CABYR: variants seen among roughly 807,000 people sequenced by gnomAD.
The protein encoded by CABYR is calcium-binding tyrosine phosphorylation-regulated protein.
A neutral mutation model predicts 36.1 loss-of-function variants in CABYR; 31 were observed. The ratio of observed to expected loss-of-function variants is 0.86; its 90% CI spans 0.64 to 1.16. The LOEUF (loss-of-function observed/expected upper bound fraction) is 1.16. CABYR is among the 50% of genes most tolerant of loss of function. The pLI, the probability that CABYR is intolerant of heterozygous loss-of-function variation, is 0.00. For missense variants in CABYR, 429 were observed against 455.8 expected (o/e 0.94, Z 0.53); for synonymous variants, 146 against 160.7 (o/e 0.91, Z 0.69).
rs1475936319 is a variant in CABYR at position 24,161,551 on chromosome 18, G to T, written c.*35G>T. On this transcript the variant is annotated 3_prime_UTR_variant, in exon 6 of 6. Transcript: ENST00000399496. ...GACGCTGTCTGGGTCAACATTTCAG[G>T]GAGGAGTCTGCCACCAGTGTAATGT... 5.1e-6 allele frequency: 4 copies of T among 780,192 alleles called. No homozygotes were observed. The South Asian group carries it at 5.4e-5, about 10-fold the overall frequency. 48.3% of individuals were successfully genotyped at this position (780,192 alleles called of 1,614,324 possible).
intron 4 of CABYR, chr18:24,156,378 A>G (rs1330487112): frequency 2.0e-5 from 32 of 1,614,104 alleles, no homozygotes; most frequent in Non-Finnish European, 2.6e-5. Flanking sequence ...AACTGTTCAT[A>G]TATCATCTGT....
At chr18:24,151,064 C>CT (rs1274090584) in intron 3 of CABYR, among the ~76,000 whole-genome samples, 1 of 152,156 alleles carries the variant, frequency 6.6e-6, no homozygotes, top group African/African-American at 2.4e-5. Context: ...CACTTGTGGT[C>CT]TTTGATACCT....
chr18:24,156,727 T>C, intron 4 of CABYR: 1 of 1,614,182 alleles, frequency 6.2e-7, no homozygotes, highest in Non-Finnish European at 8.5e-7. Flanking sequence ...GAAGGTGCTA[T>C]CAAAATAGGC....
At position 24,159,954 on chromosome 18, in the gene CABYR, G is replaced by A; in HGVS notation, c.1024G>A (p.Ala342Thr). ...LSVAFPVEDV[A>T]KKSSGSGDKC... ...TGTTGCTTTCCCAGTAGAAGATGTA[G>A]CTAAAAAAAGTTCAGGATCTGGTGA... is the stretch of plus-strand genomic sequence containing the variant. Residue 342 changes from alanine to threonine, a missense_variant, in exon 5 of 6, where the codon GCT becomes ACT. Physicochemically the swap from Ala to Thr is moderately conservative, Grantham distance 58. Coordinates refer to ENST00000399496, the MANE Select transcript of CABYR (RefSeq NM_153769.3). 1 of 1,614,114 alleles carries A rather than the reference G, an allele frequency of 6.2e-7. No individual in the cohort carries two copies. Among genetic ancestry groups the A allele is most frequent in the African/African-American group, 1.3e-5 (1 of 75,010 alleles).
chr18:24,160,118 T>G, intron 5 of CABYR, 49 bp downstream of exon 5: 1 of 1,248,036 alleles, frequency 8.0e-7, no homozygotes, highest in Non-Finnish European at 1.1e-6. Flanking sequence ...ACACGCGCGT[T>G]TTAAGCATTT....
rs753029646 is a variant in CABYR, at chr18:24,159,605, C to T, written c.675C>T (p.Leu225=). ...PAPGPFPQAT[L]YLPNPKDPQF... is the part of the protein sequence containing the mutation. ...CTGGGCCTTTTCCCCAAGCAACCCT[C>T]TATTTACCTAATCCTAAGGATCCAC... Residue 225 remains leucine, a synonymous_variant, in exon 5 of 6, where the codon CTC becomes CTT. Coordinates refer to ENST00000399496, the MANE Select transcript of CABYR (RefSeq NM_153769.3). 219 of 1,614,026 alleles carry T rather than the reference C, an allele frequency of 1.4e-4. No homozygotes were observed. Among genetic ancestry groups the T allele is most frequent in the Admixed American group, 2.5e-4 (15 of 60,002 alleles).
intron 5 of CABYR, 69 bp from the exon 6 acceptor site, chr18:24,161,447 C>G (rs2085983691): frequency 3.9e-6 from 3 of 771,278 alleles, no homozygotes; most frequent in Non-Finnish European, 7.3e-6. Flanking sequence ...TTCTAATCTT[C>G]TGCTCATTTC....
intron 3 of CABYR, among the ~76,000 whole-genome samples, chr18:24,151,060 T>G (rs1317320211): frequency 6.6e-6 from 1 of 152,212 alleles, no homozygotes; most frequent in African/African-American, 2.4e-5. Context: ...TATACACTTG[T>G]GGTCTTTGAT....
At chr18:24,160,116 G>A (rs765900936) in intron 5 of CABYR, 47 bp downstream of exon 5, 19 of 1,279,122 alleles carry the variant, frequency 1.5e-5, no homozygotes, top group Middle Eastern at 1.9e-4. Context: ...ACACACGCGC[G>A]TTTTAAGCAT....
intron 4 of CABYR, chr18:24,156,246 C>T (rs754906360): frequency 1.2e-6 from 2 of 1,614,024 alleles, no homozygotes; most frequent in South Asian, 1.1e-5. Context: ...GGGTTCTCAA[C>T]CTAAAGAAAA....
chr18:24,142,804 G>T (rs923140405), intron 1 of CABYR, among the ~76,000 whole-genome samples: 1 of 151,708 alleles, frequency 6.6e-6, no homozygotes, highest in Non-Finnish European at 1.5e-5. Context: ...AGGCCGAGGC[G>T]GGCAGATCAT....
intron 5 of CABYR, 44 bp downstream of exon 5, chr18:24,160,113 C>A: frequency 7.6e-7 from 1 of 1,309,408 alleles, no homozygotes; most frequent in Non-Finnish European, 1.1e-6. Context: ...TTAACACACG[C>A]GCGTTTTAAG....
intron 3 of CABYR, among the ~76,000 whole-genome samples, chr18:24,147,796 C>G (rs1000639743): frequency 1.3e-5 from 2 of 152,168 alleles, no homozygotes; most frequent in Non-Finnish European, 2.9e-5. Context: ...CAATCCCCCT[C>G]TGTCATGTTT....
intron 4 of CABYR, among the ~76,000 whole-genome samples, chr18:24,158,569 C>T (rs1002220828): frequency 3.5e-4 from 54 of 152,146 alleles, no homozygotes; most frequent in African/African-American, 1.2e-3. Context: ...CCACCCTCCT[C>T]GGCCTCCCAA....
At chr18:24,153,738 T>A (rs974587725) in intron 3 of CABYR, among the ~76,000 whole-genome samples, 7 of 152,182 alleles carry the variant, frequency 4.6e-5, no homozygotes, top group African/African-American at 1.7e-4. Flanking sequence ...CCTGTTGTTA[T>A]GATGGAAACA....
Position 24,159,964 on chromosome 18 carries a change from G to C in CABYR, c.1034G>C (p.Ser345Thr), listed in dbSNP as rs760713726. The part of the protein sequence containing the change: ...AFPVEDVAKK[S>T]SGSGDKCAPF... ...CCAGTAGAAGATGTAGCTAAAAAAA[G>C]TTCAGGATCTGGTGACAAATGTGCT... The change falls in exon 5 of 6, where the codon AGT becomes ACT. Residue 345 changes from serine to threonine, a missense_variant. Ser to Thr is a moderately conservative substitution (Grantham distance 58, BLOSUM62 1). Coordinates refer to ENST00000399496, the MANE Select transcript of CABYR (RefSeq NM_153769.3). The C allele has an allele frequency of 6.2e-7, 1 of 1,614,176 alleles. No homozygotes were observed.
chr18:24,160,259 C>T (rs1476674098), intron 5 of CABYR, 190 bp downstream of exon 5: 1 of 584,796 alleles, frequency 1.7e-6, no homozygotes, highest in Non-Finnish European at 3.0e-6. Context: ...ACAGCAGGTG[C>T]ACTGTACCAC....
At chr18:24,144,494 T>TG (rs2085411105) in intron 3 of CABYR, among the ~76,000 whole-genome samples, 1 of 152,204 alleles carries the variant, frequency 6.6e-6, no homozygotes, top group South Asian at 2.1e-4. Flanking sequence ...CAGGGCGTGA[T>TG]GGCTCATGCC....
At chr18:24,158,142 G>GT (rs1402891053) in intron 4 of CABYR, among the ~76,000 whole-genome samples, 4 of 152,050 alleles carry the variant, frequency 2.6e-5, no homozygotes, top group Non-Finnish European at 5.9e-5. Flanking sequence ...AAACAGAGTT[G>GT]TCCACAACAC....
Sources: gnomAD v4.1 joint callset for allele counts (sites outside exome capture counted in the v4.1 genomes callset) on GRCh38, gnomAD v4.1.1 for gene constraint, MANE v1.5 for transcripts, NCBI Gene and HGNC (gene_info 2026-07-23, HGNC 2026-07-21) for gene names.